Variants in MYO3B observed in about 807,000 individuals in gnomAD.
The protein encoded by MYO3B is myosin-IIIb.
In MYO3B, 156 loss-of-function variants were observed where a neutral mutation model predicts 174.6. That is an observed-to-expected ratio of 0.89 (90% CI 0.78 to 1.02). The LOEUF (loss-of-function observed/expected upper bound fraction) is 1.02. Ranked by LOEUF, MYO3B falls within the 50% of genes least tolerant of loss-of-function variation. The pLI, the probability that MYO3B is intolerant of heterozygous loss-of-function variation, is 0.00. For synonymous variants in MYO3B, 563 were observed against 569.1 expected (o/e 0.99, Z 0.15); for missense variants, 1,632 against 1,639.4 (o/e 1.00, Z 0.08).
intron 27 of MYO3B, 81 bp downstream of exon 27, chr2:170,499,889 T>C: frequency 7.3e-7 from 1 of 1,376,518 alleles, no homozygotes; most frequent in East Asian, 2.3e-5. Flanking sequence ...CTGTTTCTCT[T>C]CTAAGTGGTT....
chr2:170,402,654 A>G (rs1172612395), intron 18 of MYO3B, among the ~76,000 whole-genome samples, 194 bp from the exon 19 acceptor site: 1 of 152,186 alleles, frequency 6.6e-6, no homozygotes, highest in Non-Finnish European at 1.5e-5. Flanking sequence ...GAAGTTGAAA[A>G]TACTATTGAA....
Position 170,653,421 on chromosome 2 carries a change from G to A in MYO3B, c.*300G>A, listed in dbSNP as rs756227574. ...CAGTCATTCATGCCCCCAGTGTCTA[G>A]GAAGATAACAGCCAGTCTCACCCCA... On this transcript the variant is annotated 3_prime_UTR_variant, in exon 35 of 35. Coordinates refer to ENST00000408978, the MANE Select transcript of MYO3B (RefSeq NM_138995.5). 1.2e-4 allele frequency: 42 copies of A among 338,006 alleles called. No individual in the cohort carries two copies. The highest frequency in any genetic ancestry group is 2.2e-4 in the South Asian group (3 of 13,646). 20.9% of individuals were successfully genotyped at this position (338,006 alleles called of 1,614,324 possible). A position where few individuals can be genotyped will look rare whatever the true frequency, so the allele number is the denominator to read the frequency against.
chr2:170,499,796 G>C lies in MYO3B; in HGVS notation c.3277G>C (p.Ala1093Pro). The change falls in exon 27 of 35, where the codon GCC becomes CCC. Residue 1093 changes from alanine (A) to proline (P), a missense_variant. Coordinates refer to ENST00000408978, the MANE Select transcript of MYO3B (RefSeq NM_138995.5). The stretch of plus-strand genomic sequence containing the variant: ...AGAGAAGAGAGAGAAGGGAGCCATT[G>C]CCATCCAGTCAGGTAAATGGTCCTG... Reference protein sequence around the residue: ...VREKREKGAIAIQSAWRGYDA... With the variant: ...VREKREKGAIPIQSAWRGYDA... The C allele has an allele frequency of 1.2e-6, 2 of 1,613,836 alleles. No individual in the cohort carries two copies. Among genetic ancestry groups the C allele is most frequent in the Non-Finnish European group, 8.5e-7 (1 of 1,179,820 alleles).
chr2:170,390,277 CCTT>C (rs1372356923), intron 14 of MYO3B, among the ~76,000 whole-genome samples: 1 of 151,876 alleles, frequency 6.6e-6, no homozygotes, highest in Non-Finnish European at 1.5e-5. Context: ...AACACAAAAA[CCTT>C]AGTGGGGGAT....
intron 9 of MYO3B, among the ~76,000 whole-genome samples, chr2:170,379,193 AATTT>A (rs1401090205): frequency 0.014 from 1,903 of 134,674 alleles, 110 homozygotes; most frequent in Admixed American, 0.12. Flanking sequence ...AATGTGGTAC[AATTT>A]TTTTTTTTTT....
intron 6 of MYO3B, among the ~76,000 whole-genome samples, chr2:170,234,039 C>T (rs1275252786): frequency 6.7e-6 from 1 of 150,330 alleles, no homozygotes; most frequent in Non-Finnish European, 1.5e-5. Context: ...GGCGTAGTGG[C>T]GGGCGCCTGT....
chr2:170,193,531 C>T (rs2092565465), intron 1 of MYO3B, among the ~76,000 whole-genome samples: 2 of 151,884 alleles, frequency 1.3e-5, no homozygotes, highest in Non-Finnish European at 2.9e-5. Context: ...CAGATATTTA[C>T]CTCTGTTTTT....
At chr2:170,196,077 A>G (rs1392604600) in intron 1 of MYO3B, among the ~76,000 whole-genome samples, 4 of 151,992 alleles carry the variant, frequency 2.6e-5, no homozygotes, top group African/African-American at 9.7e-5. Context: ...TATGAGCTTT[A>G]CTCTTCTTTC....
chr2:170,490,295 T>C (rs1264979636), intron 25 of MYO3B, among the ~76,000 whole-genome samples: 1 of 152,222 alleles, frequency 6.6e-6, no homozygotes, highest in Admixed American at 6.5e-5. Flanking sequence ...CCCAAAGTGC[T>C]GGGATTACAG....
chr2:170,230,336 A>ATTTTT (rs60171555), intron 6 of MYO3B, among the ~76,000 whole-genome samples: 3,875 of 64,692 alleles, frequency 0.06, 1,036 homozygotes, highest in Middle Eastern at 0.12. Context: ...CGCCTGGCTA[A>ATTTTT]TTTTTTTTTT....
intron 32 of MYO3B, among the ~76,000 whole-genome samples, chr2:170,602,804 C>T (rs1559151074): frequency 6.6e-6 from 1 of 152,216 alleles, no homozygotes; most frequent in East Asian, 1.9e-4. Flanking sequence ...CAGTGACTCA[C>T]ACCTGTAGTC....
At chr2:170,554,479 A>G (rs953755441) in intron 32 of MYO3B, among the ~76,000 whole-genome samples, 8 of 152,216 alleles carry the variant, frequency 5.3e-5, no homozygotes, top group African/African-American at 1.9e-4. Flanking sequence ...GAAAGTGGCC[A>G]CAGATGTGAG....
chr2:170,580,718 A>ATATATATGTGTGTGTGTGTGTGTGTG (rs768974458), intron 32 of MYO3B, among the ~76,000 whole-genome samples: 1 of 142,702 alleles, frequency 7.0e-6, no homozygotes, highest in Non-Finnish European at 1.5e-5. Flanking sequence ...AACCTTATAT[A>ATATATATGTGTGTGTGTGTGTGTGTG]TGTGTGTGTG....
chr2:170,513,298 T>A (rs543326025), intron 28 of MYO3B, among the ~76,000 whole-genome samples: 7 of 152,312 alleles, frequency 4.6e-5, no homozygotes, highest in Non-Finnish European at 1.0e-4. Context: ...TAGAAGTCCA[T>A]CAAGGTGTCA....
chr2:170,591,972 T>C (rs1413949900), intron 32 of MYO3B, among the ~76,000 whole-genome samples: 1 of 152,222 alleles, frequency 6.6e-6, no homozygotes, highest in Non-Finnish European at 1.5e-5. Flanking sequence ...AAACACGTAC[T>C]CCATACCAAG....
At chr2:170,493,222 A>G (rs1686604920) in intron 25 of MYO3B, among the ~76,000 whole-genome samples, 1 of 152,232 alleles carries the variant, frequency 6.6e-6, no homozygotes. Context: ...AAAGAGATCA[A>G]TTCTTCCCAA....
At position 170,501,810 on chromosome 2, in the gene MYO3B, G is replaced by T; in HGVS notation, c.3315G>T (p.Arg1105Ser). 1 of 1,612,588 alleles carries T rather than the reference G, an allele frequency of 6.2e-7. No homozygotes were observed. Among genetic ancestry groups the T allele is most frequent in the South Asian group, 1.1e-5 (1 of 90,988 alleles). The change falls in exon 28 of 35, where the codon AGG (arginine) becomes AGT (serine). Residue 1105 changes from arginine (R) to serine (S), a missense_variant. Arg to Ser is a moderately radical substitution (Grantham distance 110). Transcript: ENST00000408978. ...QSAWRGYDARRKFKKISNRRN... is the reference protein window; with the variant it reads ...QSAWRGYDARSKFKKISNRRN... The stretch of plus-strand genomic sequence containing the variant: ...CCTGGAGAGGATATGATGCTCGGAG[G>T]AAATTTAAGAAAATAAGCAACAGAA...
chr2:170,543,007 C>T (rs868650350), intron 31 of MYO3B, 41 bp downstream of exon 31: 2 of 1,510,522 alleles, frequency 1.3e-6, no homozygotes, highest in South Asian at 1.2e-5. Flanking sequence ...GTGTATCACT[C>T]CTTCAGACTC....
chr2:170,630,246 G>A (rs1696834963), intron 32 of MYO3B, among the ~76,000 whole-genome samples: 1 of 152,224 alleles, frequency 6.6e-6, no homozygotes, highest in Non-Finnish European at 1.5e-5. Context: ...AGCACACCAG[G>A]AGATTATATC....
Sources: allele counts gnomAD v4.1 joint callset (sites outside exome capture counted in the v4.1 genomes callset), GRCh38; gene constraint gnomAD v4.1.1; transcripts MANE v1.5; gene names NCBI Gene and HGNC (gene_info 2026-07-23, HGNC 2026-07-21).